WWOX: variants seen among roughly 807,000 people sequenced by gnomAD.
WWOX encodes WW domain-containing oxidoreductase.
Under a neutral mutation model 46.2 loss-of-function variants are expected in WWOX, and 69 were observed. That is an observed-to-expected ratio of 1.49 (90% CI 1.23 to 1.82). The LOEUF is 1.82. Ranked by LOEUF, WWOX falls within the 40% of genes most tolerant of loss-of-function variation. The pLI is 0.00. For missense variants in WWOX, 919 were observed against 542.6 expected (o/e 1.69, Z -6.89); for synonymous variants, 359 against 202.6 (o/e 1.77, Z -6.56).
intron 8 of WWOX, among the ~76,000 whole-genome samples, chr16:79,035,904 G>C (rs985242892): frequency 3.3e-5 from 5 of 152,212 alleles, no homozygotes; most frequent in Non-Finnish European, 5.9e-5. Flanking sequence ...CAAGAATTCA[G>C]CTTCTTAAAG....
chr16:78,734,201 G>C (rs1216509411), intron 8 of WWOX, among the ~76,000 whole-genome samples: 1 of 152,144 alleles, frequency 6.6e-6, no homozygotes, highest in African/African-American at 2.4e-5. Flanking sequence ...AAATTGGAAT[G>C]TTAGGTGTTA....
At chr16:79,057,264 T>C (rs941688376) in intron 8 of WWOX, among the ~76,000 whole-genome samples, 6 of 152,196 alleles carry the variant, frequency 3.9e-5, no homozygotes, top group African/African-American at 7.2e-5. Context: ...GGCAAACTTA[T>C]GTTTATTCCA....
chr16:78,369,827 A>G (rs1252248013), intron 5 of WWOX, among the ~76,000 whole-genome samples: 1 of 152,138 alleles, frequency 6.6e-6, no homozygotes, highest in African/African-American at 2.4e-5. Context: ...TAGAGGCAGC[A>G]CAGTGCTGTA....
chr16:78,881,298 C>T (rs1006730062), intron 8 of WWOX, among the ~76,000 whole-genome samples: 1 of 152,220 alleles, frequency 6.6e-6, no homozygotes, highest in Admixed American at 6.5e-5. Context: ...GCCACTGTGC[C>T]TGGCCCTGGT....
intron 8 of WWOX, among the ~76,000 whole-genome samples, chr16:79,208,366 T>G (rs750966038): frequency 3.4e-4 from 45 of 134,060 alleles, no homozygotes; most frequent in Admixed American, 1.8e-3. Context: ...AGGCTTCTGA[T>G]AAATGATTGA....
Position 79,021,502 on chromosome 16 carries a change from C to G in WWOX, c.1057-190106C>G, listed in dbSNP as rs148635391. ...AATATTAACTCATGGGATCTAGTAA[C>G]AAATGTTCTTCCTTCTTAACCCATT... On this transcript the variant is annotated intron_variant, in intron 8 of 8. Coordinates refer to ENST00000566780, the MANE Select transcript of WWOX (RefSeq NM_016373.4). Among the ~76,000 whole-genome samples the G allele has an allele frequency of 1.8e-4, 27 of 152,238 alleles. No individual in the cohort carries two copies. In the East Asian group the frequency reaches 3.3e-3, roughly 19 times the overall value.
chr16:78,581,692 A>G (rs1351580142), intron 8 of WWOX, among the ~76,000 whole-genome samples: 5 of 152,192 alleles, frequency 3.3e-5, no homozygotes, highest in Non-Finnish European at 7.3e-5. Flanking sequence ...TTATACCAGT[A>G]CATTTTTTAG....
At chr16:79,210,063 C>G (rs2051667990) in intron 8 of WWOX, among the ~76,000 whole-genome samples, 1 of 152,176 alleles carries the variant, frequency 6.6e-6, no homozygotes, top group South Asian at 2.1e-4. Context: ...AATTCAGGAC[C>G]AGTGGAACTT....
chr16:79,167,551 G>A (rs1459097188), intron 8 of WWOX, among the ~76,000 whole-genome samples: 3 of 152,118 alleles, frequency 2.0e-5, no homozygotes, highest in African/African-American at 2.4e-5. Context: ...CTCCTGGAAT[G>A]CTCCATGGCC....
chr16:78,855,005 T>A (rs2052534559), intron 8 of WWOX, among the ~76,000 whole-genome samples: 1 of 152,042 alleles, frequency 6.6e-6, no homozygotes, highest in African/African-American at 2.4e-5. Context: ...TTATTTTATT[T>A]AAAAAAATCA....
At chr16:78,164,336 G>A in intron 5 of WWOX, 47 bp downstream of exon 5, 1 of 1,547,608 alleles carries the variant, frequency 6.5e-7, no homozygotes, top group Non-Finnish European at 8.9e-7. Flanking sequence ...AAATACACAT[G>A]CCGGGCTAAC....
chr16:78,752,318 C>T (rs2049502564), intron 8 of WWOX, among the ~76,000 whole-genome samples: 1 of 152,188 alleles, frequency 6.6e-6, no homozygotes. Context: ...CGGAGTCTCA[C>T]ACTCTGTTGC....
chr16:78,426,668 C>G (rs4073160), intron 7 of WWOX, among the ~76,000 whole-genome samples: 3 of 151,742 alleles, frequency 2.0e-5, no homozygotes, highest in Non-Finnish European at 2.9e-5. Flanking sequence ...TTTATTATTA[C>G]TGTTATTATT....
At chr16:78,602,983 T>C (rs1218799830) in intron 8 of WWOX, among the ~76,000 whole-genome samples, 1 of 152,244 alleles carries the variant, frequency 6.6e-6, no homozygotes, top group East Asian at 1.9e-4. Flanking sequence ...TCTGCGTTCT[T>C]AGATTCAACA....
intron 8 of WWOX, chr16:78,996,457 C>A: frequency 2.2e-6 from 1 of 461,994 alleles, no homozygotes; most frequent in Non-Finnish European, 2.8e-6. Context: ...AAGTGCTCAG[C>A]ACTGGGCCGG....
At chr16:78,598,103 A>G (rs2045533328) in intron 8 of WWOX, among the ~76,000 whole-genome samples, 1 of 152,180 alleles carries the variant, frequency 6.6e-6, no homozygotes, top group African/African-American at 2.4e-5. Context: ...TGTGCTTTCA[A>G]AGACCAATGT....
At chr16:79,199,889 C>T (rs1420878812) in intron 8 of WWOX, among the ~76,000 whole-genome samples, 1 of 152,118 alleles carries the variant, frequency 6.6e-6, no homozygotes. Context: ...GGTATGGCAG[C>T]CAGAGGGCAG....
At chr16:79,114,799 C>A (rs1465450532) in intron 8 of WWOX, among the ~76,000 whole-genome samples, 1 of 152,188 alleles carries the variant, frequency 6.6e-6, no homozygotes, top group African/African-American at 2.4e-5. Flanking sequence ...AGCAGGAGCA[C>A]AGCTTCCAGA....
chr16:78,756,356 G>A (rs73573715), intron 8 of WWOX, among the ~76,000 whole-genome samples: 5,431 of 152,160 alleles, frequency 0.036, 282 homozygotes, highest in African/African-American at 0.12. Context: ...GCAGCTTTGG[G>A]AGCCAGGGTG....
Sources: allele counts gnomAD v4.1 joint callset (sites outside exome capture counted in the v4.1 genomes callset), GRCh38; gene constraint gnomAD v4.1.1; transcripts MANE v1.5; gene names NCBI Gene and HGNC (gene_info 2026-07-23, HGNC 2026-07-21).